The following CYB5A variants were observed in gnomAD, a reference collection of about 807,000 sequenced individuals.
The protein encoded by CYB5A is cytochrome b5.
Under a neutral mutation model 16.2 loss-of-function variants are expected in CYB5A, and 10 were observed. The observed-to-expected ratio is 0.62, with a 90% confidence interval of 0.38 to 1.04. CYB5A has a LOEUF of 1.04. Among genes scored for constraint, CYB5A ranks in the 50% least tolerant of loss-of-function variants. CYB5A has a pLI of 0.01. For synonymous variants in CYB5A, 62 were observed against 57.0 expected, an observed-to-expected ratio of 1.09 and a Z score of -0.40; for missense variants, 161 against 165.9, an observed-to-expected ratio of 0.97 and a Z score of 0.16.
intron 1 of CYB5A, chr18:74,291,173 G>C (rs1288716271): frequency 5.3e-6 from 1 of 187,044 alleles, no homozygotes; most frequent in African/African-American, 2.4e-5. Context: ...CGCAGCTCTC[G>C]GGGTGGGTGG....
intron 1 of CYB5A, among the ~76,000 whole-genome samples, chr18:74,288,245 G>A (rs1226404820): frequency 6.6e-6 from 1 of 152,182 alleles, no homozygotes; most frequent in Non-Finnish European, 1.5e-5. Flanking sequence ...CCTGCCAGCA[G>A]AGCAGGATCC....
intron 2 of CYB5A, among the ~76,000 whole-genome samples, chr18:74,262,101 G>A (rs1034930827): frequency 2.6e-5 from 4 of 152,148 alleles, no homozygotes; most frequent in African/African-American, 9.7e-5. Flanking sequence ...ATTTAACATG[G>A]TCATTTACAA....
intron 1 of CYB5A, among the ~76,000 whole-genome samples, chr18:74,282,730 C>A (rs1983166151): frequency 6.6e-6 from 1 of 152,080 alleles, no homozygotes; most frequent in Non-Finnish European, 1.5e-5. Context: ...GAGAAAGGGT[C>A]AATGTGATCA....
At chr18:74,256,376 C>A (rs566086468) in intron 3 of CYB5A, 2 of 179,190 alleles carry the variant, frequency 1.1e-5, no homozygotes, top group Non-Finnish European at 2.4e-5. Context: ...CTGTGCCCGG[C>A]GTCACACTTG....
rs141522234 is a variant in CYB5A, at chr18:74,275,772, C to T, written c.130-12295G>A. Among the ~76,000 whole-genome samples the T allele has an allele frequency of 1.5e-3, 229 of 152,088 alleles. 1 individual carries two copies. Among genetic ancestry groups the T allele is most frequent in the African/African-American group, 4.8e-3 (199 of 41,508 alleles). On this transcript the variant is annotated intron_variant, in intron 1 of 4. Transcript: ENST00000340533. ...ACAGCAGAGTCTGGAAAAGCGGGAG[C>T]TATTAAAAAATAACCTCAGCCCCTT... is the stretch of plus-strand genomic sequence containing the variant.
chr18:74,288,175 T>C (rs1042993798), intron 1 of CYB5A, among the ~76,000 whole-genome samples: 11 of 152,218 alleles, frequency 7.2e-5, no homozygotes, highest in Non-Finnish European at 1.3e-4. Context: ...GTGGCCATTA[T>C]TTCAGGAGGT....
intron 1 of CYB5A, among the ~76,000 whole-genome samples, chr18:74,276,501 T>C (rs1242401708): frequency 6.6e-6 from 1 of 150,892 alleles, no homozygotes; most frequent in Non-Finnish European, 1.5e-5. Context: ...CCTGCCTTTC[T>C]GGGTCTTACG....
At chr18:74,253,872 T>G (rs1456384752) in intron 4 of CYB5A, among the ~76,000 whole-genome samples, 1 of 152,214 alleles carries the variant, frequency 6.6e-6, no homozygotes, top group Non-Finnish European at 1.5e-5. Flanking sequence ...CCTGCTGGCT[T>G]TATGAGAAAA....
rs927521098 is a variant in CYB5A, at chr18:74,253,330, T to C, written c.*254A>G. 1 of 401,944 alleles carries C rather than the reference T, an allele frequency of 2.5e-6. No individual in the cohort carries two copies. Among genetic ancestry groups the C allele is most frequent in the Non-Finnish European group, 4.7e-6 (1 of 212,318 alleles). The allele number at this position is 401,944 out of a possible 1,614,324, so 24.9% of individuals were successfully genotyped here. A position where few individuals can be genotyped will look rare whatever the true frequency, so the allele number is the denominator to read the frequency against. On this transcript the variant is annotated 3_prime_UTR_variant, in exon 5 of 5. Coordinates refer to ENST00000340533, the MANE Select transcript of CYB5A (RefSeq NM_148923.4). ...AGCCAAATATATTTTTAAAAGATCA[T>C]GCTTATAATAAGTAAATTACACATT... is the stretch of plus-strand genomic sequence containing the variant.
At position 74,253,585 on chromosome 18, in the gene CYB5A, C is replaced by A; in HGVS notation, c.404G>T (p.Ter135LeuextTer73). The A allele has an allele frequency of 1.2e-6, 2 of 1,609,768 alleles. No homozygotes were observed. Among genetic ancestry groups the A allele is most frequent in the South Asian group, 2.2e-5 (2 of 90,898 alleles). The part of the protein sequence containing the change: ...LMYRLYMAED[*>L] Reference sequence around the variant, plus strand: ...CTGCGCTGACTTCTGAGGAGGTGTTCAGTCCTCTGCCATGTATAGGCGATA... The same window carrying A: ...CTGCGCTGACTTCTGAGGAGGTGTTAAGTCCTCTGCCATGTATAGGCGATA... Residue 135 changes from the stop codon to leucine, a stop_lost, in exon 5 of 5, where the codon TGA (stop) becomes TTA (leucine). Transcript: ENST00000340533.
intron 1 of CYB5A, among the ~76,000 whole-genome samples, chr18:74,288,844 C>A (rs1487653515): frequency 1.3e-5 from 2 of 152,132 alleles, no homozygotes; most frequent in African/African-American, 4.8e-5. Flanking sequence ...CACAGAAAGT[C>A]AAAGCAAATA....
Position 74,279,524 on chromosome 18 carries a change from C to T in CYB5A, c.129+12223G>A, listed in dbSNP as rs183732119. Among the ~76,000 whole-genome samples the T allele has an allele frequency of 6.9e-3, 1,055 of 151,968 alleles. 9 individuals are homozygous for T. The highest frequency in any genetic ancestry group is 0.027 in the Middle Eastern group (8 of 294). On this transcript the variant is annotated intron_variant, in intron 1 of 4. Coordinates refer to ENST00000340533, the MANE Select transcript of CYB5A (RefSeq NM_148923.4). ...CAGCCTGGGCGACAGAGTGAGACTCCGTCTCAAAAATAAATAAATAATAAA... is the reference window on the plus strand; with the variant it reads ...CAGCCTGGGCGACAGAGTGAGACTCTGTCTCAAAAATAAATAAATAATAAA...
chr18:74,276,750 G>T (rs779594049), intron 1 of CYB5A, among the ~76,000 whole-genome samples: 1 of 152,120 alleles, frequency 6.6e-6, no homozygotes. Context: ...TCCACACCAG[G>T]TCTCCTAACC....
chr18:74,289,825 A>C (rs1488893407), intron 1 of CYB5A, among the ~76,000 whole-genome samples: 1 of 151,122 alleles, frequency 6.6e-6, no homozygotes, highest in South Asian at 2.1e-4. Flanking sequence ...CCGGTCATCT[A>C]GTGGGTAGAA....
intron 1 of CYB5A, among the ~76,000 whole-genome samples, chr18:74,285,515 T>C (rs1983283491): frequency 6.6e-6 from 1 of 152,160 alleles, no homozygotes; most frequent in Admixed American, 6.5e-5. Flanking sequence ...ACCAAGTTCC[T>C]CCACTCCTAA....
rs796525677 is a variant in CYB5A, at chr18:74,251,175, C to CAA, written c.*2407_*2408dup. ...ACAGAGTGAGACTCTGTCTCAAAAA[C>CAA]AAAAAAAAAAAAAAAAGAAAGTTTA... On this transcript the variant is annotated 3_prime_UTR_variant, in exon 5 of 5. Coordinates refer to ENST00000340533, the MANE Select transcript of CYB5A (RefSeq NM_148923.4). 0.037 allele frequency: 2,956 copies of CAA among 80,008 alleles called. 103 individuals carry two copies. Among genetic ancestry groups the CAA allele is most frequent in the African/African-American group, 0.12 (2,785 of 23,982 alleles). 5.0% of individuals were successfully genotyped at this position (80,008 alleles called of 1,614,324 possible).
At chr18:74,284,056 A>C (rs1324782857) in intron 1 of CYB5A, among the ~76,000 whole-genome samples, 1 of 152,086 alleles carries the variant, frequency 6.6e-6, no homozygotes, top group Non-Finnish European at 1.5e-5. Context: ...AACATGGTGA[A>C]ACCTCATCTC....
intron 1 of CYB5A, among the ~76,000 whole-genome samples, chr18:74,283,631 C>T (rs528626318): frequency 6.6e-6 from 1 of 152,298 alleles, no homozygotes. Context: ...CTCCCTGGTT[C>T]CTCCAGAGAA....
chr18:74,279,250 G>A (rs150789137), intron 1 of CYB5A, among the ~76,000 whole-genome samples: 92 of 152,358 alleles, frequency 6.0e-4, no homozygotes, highest in Middle Eastern at 3.4e-3. Context: ...AGACAAGGCC[G>A]GGCGCGGTGG....
Sources: gnomAD v4.1 joint callset for allele counts (sites outside exome capture counted in the v4.1 genomes callset) on GRCh38, gnomAD v4.1.1 for gene constraint, MANE v1.5 for transcripts, NCBI Gene and HGNC (gene_info 2026-07-23, HGNC 2026-07-21) for gene names.